Variants in LRRC4C observed in about 807,000 individuals in gnomAD.
The protein encoded by LRRC4C is leucine-rich repeat-containing protein 4C.
LRRC4C carries 5 observed loss-of-function variants against 33.6 expected under a neutral mutation model. The ratio of observed to expected loss-of-function variants is 0.15; its 90% CI spans 0.08 to 0.31. The LOEUF (loss-of-function observed/expected upper bound fraction) is 0.31. Among genes scored for constraint, LRRC4C ranks in the 10% least tolerant of loss-of-function variants. The pLI is 1.00. For missense variants in LRRC4C, 560 were observed against 796.7 expected, an observed-to-expected ratio of 0.70 and a Z score of 3.58; for synonymous variants, 329 against 302.0, an observed-to-expected ratio of 1.09 and a Z score of -0.93.
chr11:40,358,340 G>A (rs1947777931), intron 3 of LRRC4C, among the ~76,000 whole-genome samples: 1 of 152,080 alleles, frequency 6.6e-6, no homozygotes, highest in Non-Finnish European at 1.5e-5. Context: ...GAGTGTAGCG[G>A]TGGGATCTTG....
At chr11:40,842,102 T>C in intron 2 of LRRC4C, among the ~76,000 whole-genome samples, 1 of 152,226 alleles carries the variant, frequency 6.6e-6, no homozygotes, top group East Asian at 1.9e-4. Context: ...GCAAGGTTAT[T>C]ACGCAGTTGG....
chr11:40,131,379 G>A (rs531355754), intron 6 of LRRC4C, among the ~76,000 whole-genome samples: 6 of 152,220 alleles, frequency 3.9e-5, no homozygotes, highest in Middle Eastern at 3.4e-3. Flanking sequence ...CCAAAAATCA[G>A]CATGTAAATA....
At chr11:40,933,772 G>T (rs1051458805) in intron 1 of LRRC4C, 49 bp from the exon 2 acceptor site, 1 of 152,010 alleles carries the variant, frequency 6.6e-6, no homozygotes, top group African/African-American at 2.4e-5. Flanking sequence ...AAGAAAGTTA[G>T]AAAATAGCCC....
At chr11:41,120,802 G>C (rs897049664) in intron 1 of LRRC4C, among the ~76,000 whole-genome samples, 2 of 152,096 alleles carry the variant, frequency 1.3e-5, no homozygotes, top group Non-Finnish European at 2.9e-5. Flanking sequence ...AAGGTGATTG[G>C]ATCATGGGGG....
At chr11:40,777,438 G>GTCT (rs937011355) in intron 2 of LRRC4C, among the ~76,000 whole-genome samples, 7 of 149,816 alleles carry the variant, frequency 4.7e-5, no homozygotes, top group African/African-American at 1.7e-4. Context: ...GGATAGTTAA[G>GTCT]TCTTCTTCCT....
At chr11:40,573,095 G>A (rs953806914) in intron 3 of LRRC4C, among the ~76,000 whole-genome samples, 4 of 151,972 alleles carry the variant, frequency 2.6e-5, no homozygotes, top group African/African-American at 4.8e-5. Context: ...TATTGCTCTG[G>A]GATTGGAGAT....
chr11:40,346,447 T>A (rs1947133629), intron 3 of LRRC4C, among the ~76,000 whole-genome samples: 1 of 151,992 alleles, frequency 6.6e-6, no homozygotes, highest in Non-Finnish European at 1.5e-5. Flanking sequence ...ACTAACACAG[T>A]AACAGAAAAT....
intron 2 of LRRC4C, among the ~76,000 whole-genome samples, chr11:40,805,809 T>G (rs1274438968): frequency 6.6e-6 from 1 of 152,168 alleles, no homozygotes; most frequent in African/African-American, 2.4e-5. Flanking sequence ...GTAAAGAGTA[T>G]GGTGTTTATA....
At chr11:40,346,519 G>C (rs1330990882) in intron 3 of LRRC4C, among the ~76,000 whole-genome samples, 7 of 152,168 alleles carry the variant, frequency 4.6e-5, no homozygotes, top group African/African-American at 1.7e-4. Context: ...TGGACACACA[G>C]AGGGGAACAA....
chr11:40,723,700 A>T (rs1947142548), intron 2 of LRRC4C, among the ~76,000 whole-genome samples: 1 of 152,196 alleles, frequency 6.6e-6, no homozygotes. Context: ...CAACTACGCA[A>T]TGGAGACTAC....
At chr11:41,048,389 T>G (rs748942992) in intron 1 of LRRC4C, among the ~76,000 whole-genome samples, 7 of 150,596 alleles carry the variant, frequency 4.6e-5, no homozygotes, top group Admixed American at 2.7e-4. Context: ...CTCAGCCTCC[T>G]GAGTAGCTGG....
At chr11:41,386,219 AGG>A (rs1411250315) in intron 1 of LRRC4C, among the ~76,000 whole-genome samples, 1 of 151,704 alleles carries the variant, frequency 6.6e-6, no homozygotes, top group Non-Finnish European at 1.5e-5. Context: ...ATGGCAGTAA[AGG>A]CCAAAACACA....
intron 1 of LRRC4C, among the ~76,000 whole-genome samples, chr11:41,184,382 T>C (rs1945594603): frequency 6.6e-6 from 1 of 152,116 alleles, no homozygotes; most frequent in Non-Finnish European, 1.5e-5. Flanking sequence ...GCTTTGCTGC[T>C]TAGAAATTTC....
intron 1 of LRRC4C, among the ~76,000 whole-genome samples, chr11:41,117,418 T>A (rs1172977480): frequency 6.6e-6 from 1 of 152,166 alleles, no homozygotes; most frequent in Non-Finnish European, 1.5e-5. Flanking sequence ...GCTAACTAAT[T>A]TTATGATATA....
At chr11:40,429,371 G>T (rs1261963976) in intron 3 of LRRC4C, among the ~76,000 whole-genome samples, 3 of 152,254 alleles carry the variant, frequency 2.0e-5, no homozygotes, top group South Asian at 2.1e-4. Context: ...ACTGCGCCTG[G>T]CCCTGATGAA....
chr11:40,622,486 A>G (rs532338950), intron 3 of LRRC4C, among the ~76,000 whole-genome samples: 87 of 151,962 alleles, frequency 5.7e-4, no homozygotes, highest in African/African-American at 2.0e-3. Context: ...TGGCTATGAA[A>G]GAAGACTGGT....
intron 1 of LRRC4C, among the ~76,000 whole-genome samples, chr11:41,247,151 G>A (rs1399800746): frequency 2.0e-5 from 3 of 152,144 alleles, no homozygotes; most frequent in Non-Finnish European, 4.4e-5. Context: ...TGTTATAAGT[G>A]TTTTCATGAA....
At chr11:41,205,224 A>G (rs952895222) in intron 1 of LRRC4C, among the ~76,000 whole-genome samples, 3 of 152,354 alleles carry the variant, frequency 2.0e-5, no homozygotes, top group East Asian at 1.9e-4. Flanking sequence ...ACAGAGCTAT[A>G]TAAACTATGA....
intron 1 of LRRC4C, among the ~76,000 whole-genome samples, chr11:41,238,241 C>T (rs976773428): frequency 5.3e-5 from 8 of 152,092 alleles, no homozygotes; most frequent in African/African-American, 1.4e-4. Context: ...AGTGGATTAT[C>T]ATATTGAGCT....
Sources: gnomAD v4.1 joint callset for allele counts (sites outside exome capture counted in the v4.1 genomes callset) on GRCh38, gnomAD v4.1.1 for gene constraint, MANE v1.5 for transcripts, NCBI Gene and HGNC (gene_info 2026-07-23, HGNC 2026-07-21) for gene names.